Variants in AUH observed in about 807,000 individuals in gnomAD.
AUH encodes AU RNA binding methylglutaconyl-CoA hydratase, also known as methylglutaconyl-CoA hydratase, mitochondrial.
In AUH, 29 loss-of-function variants were observed where a neutral mutation model predicts 42.3. The ratio of observed to expected loss-of-function variants is 0.69; its 90% CI spans 0.51 to 0.93. The LOEUF (loss-of-function observed/expected upper bound fraction) is 0.93, where lower values mean the gene tolerates loss of function less well. Ranked by LOEUF, AUH falls within the 40% of genes least tolerant of loss-of-function variation. The pLI is 0.00. For synonymous variants in AUH, 174 were observed against 166.4 expected (o/e 1.05, Z -0.35); for missense variants, 452 against 438.1 (o/e 1.03, Z -0.28).
chr9:91,280,569 A>C (rs1825883556), intron 6 of AUH, among the ~76,000 whole-genome samples: 1 of 152,170 alleles, frequency 6.6e-6, no homozygotes, highest in African/African-American at 2.4e-5. Context: ...TTGAACACAT[A>C]AATAAAGCTA....
chr9:91,237,745 C>T (rs1314889438), intron 6 of AUH, among the ~76,000 whole-genome samples: 1 of 152,168 alleles, frequency 6.6e-6, no homozygotes, highest in Non-Finnish European at 1.5e-5. Flanking sequence ...AAATAGTCAT[C>T]AATAACTTCC....
intron 3 of AUH, among the ~76,000 whole-genome samples, chr9:91,335,298 A>G (rs1448920315): frequency 3.3e-5 from 5 of 151,584 alleles, no homozygotes; most frequent in Non-Finnish European, 5.9e-5. Context: ...GTTTTGGTTA[A>G]TTTTTATTTT....
At chr9:91,320,180 C>A (rs926628819) in intron 4 of AUH, among the ~76,000 whole-genome samples, 1 of 152,156 alleles carries the variant, frequency 6.6e-6, no homozygotes, top group African/African-American at 2.4e-5. Flanking sequence ...ATTATAGTTT[C>A]TTCTTTGACC....
chr9:91,317,912 T>C (rs1461701892), intron 4 of AUH, among the ~76,000 whole-genome samples: 1 of 152,206 alleles, frequency 6.6e-6, no homozygotes, highest in Non-Finnish European at 1.5e-5. Flanking sequence ...GCTAACATCA[T>C]GAGTTAAAAT....
At position 91,217,269 on chromosome 9, in the gene AUH, GA is replaced by G; in HGVS notation, c.894+7del. On this transcript the variant is annotated splice_region_variant and intron_variant, in intron 8 of 9. Coordinates refer to ENST00000375731, the MANE Select transcript of AUH (RefSeq NM_001698.3). ...TCCCAAAACAAACTCAAGCATTAAG[GA>G]ACCTACCTCCATCCCTTGATTAATT... 6.2e-7 allele frequency: 1 copy of G among 1,612,804 alleles called. No homozygotes were observed. The highest frequency in any genetic ancestry group is 1.3e-5 in the African/African-American group (1 of 74,990).
chr9:91,251,799 T>C (rs1408283956), intron 6 of AUH, among the ~76,000 whole-genome samples: 1 of 150,804 alleles, frequency 6.6e-6, no homozygotes, highest in East Asian at 1.9e-4. Context: ...GCTGTGATTA[T>C]GTAATTATAA....
chr9:91,325,922 T>G (rs1587863131), intron 3 of AUH, among the ~76,000 whole-genome samples: 1 of 152,210 alleles, frequency 6.6e-6, no homozygotes. Context: ...TTTGACTTCA[T>G]GGATGCCTGC....
At chr9:91,290,074 G>A (rs1826734109) in intron 6 of AUH, among the ~76,000 whole-genome samples, 2 of 152,092 alleles carry the variant, frequency 1.3e-5, no homozygotes, top group Admixed American at 1.3e-4. Flanking sequence ...GAACTTGAAA[G>A]CTTCATGGTA....
intron 6 of AUH, among the ~76,000 whole-genome samples, chr9:91,260,622 G>A (rs1334872899): frequency 6.6e-6 from 1 of 152,148 alleles, no homozygotes; most frequent in Non-Finnish European, 1.5e-5. Flanking sequence ...CAGGACAGAA[G>A]TTAATTCATT....
In AUH at chr9:91,249,447, C is replaced by T. The variant is rs1286695652; in HGVS notation, c.656-28455G>A. 2.0e-5 allele frequency among the ~76,000 whole-genome samples: 3 copies of T among 151,962 alleles called. No individual in the cohort carries two copies. In the East Asian group the frequency reaches 5.8e-4, roughly 29 times the overall value. On this transcript the variant is annotated intron_variant, in intron 6 of 9. Coordinates refer to ENST00000375731, the MANE Select transcript of AUH (RefSeq NM_001698.3). ...CTCACACATCATCTTATAAAGCCCTCTTTTCCTGTAACCTCACCCTTGTGG... is the reference window on the plus strand; with the variant it reads ...CTCACACATCATCTTATAAAGCCCTTTTTTCCTGTAACCTCACCCTTGTGG...
chr9:91,330,154 T>A lies in AUH; in HGVS notation c.419-4750A>T, dbSNP rs568750147. On this transcript the variant is annotated intron_variant, in intron 3 of 9. Coordinates refer to ENST00000375731, the MANE Select transcript of AUH (RefSeq NM_001698.3). The stretch of plus-strand genomic sequence containing the variant: ...TGGATATAAGCTCAATATACAAAAA[T>A]CAACTGTATTTCTATATACTAGCAA... Among the ~76,000 whole-genome samples, 15 of 152,216 alleles carry A rather than the reference T, an allele frequency of 9.9e-5. 1 individual carries two copies. In the South Asian group the frequency reaches 3.1e-3, roughly 32 times the overall value.
At chr9:91,260,111 T>C (rs895872311) in intron 6 of AUH, among the ~76,000 whole-genome samples, 2 of 152,172 alleles carry the variant, frequency 1.3e-5, no homozygotes, top group African/African-American at 2.4e-5. Context: ...GTAATATTTC[T>C]TGTCTTGAAG....
chr9:91,239,148 T>A (rs1828354737), intron 6 of AUH, among the ~76,000 whole-genome samples: 1 of 143,506 alleles, frequency 7.0e-6, no homozygotes, highest in African/African-American at 2.6e-5. Context: ...ACCCAAGCTT[T>A]TTGTTCTGTT....
chr9:91,352,183 G>A (rs1034228273), intron 3 of AUH, among the ~76,000 whole-genome samples: 7 of 152,122 alleles, frequency 4.6e-5, no homozygotes, highest in African/African-American at 1.2e-4. Flanking sequence ...ACTGAGGCAC[G>A]AGAATCGCTT....
chr9:91,266,384 A>G (rs1004062739), intron 6 of AUH, among the ~76,000 whole-genome samples: 1 of 151,666 alleles, frequency 6.6e-6, no homozygotes. Flanking sequence ...TAAATAAATA[A>G]ATAAATAAAA....
At chr9:91,341,485 G>A (rs1157872987) in intron 3 of AUH, among the ~76,000 whole-genome samples, 1 of 152,178 alleles carries the variant, frequency 6.6e-6, no homozygotes, top group Non-Finnish European at 1.5e-5. Context: ...TAAATTTACT[G>A]GTACCCTAGA....
At chr9:91,354,859 C>G (rs896295333) in intron 3 of AUH, among the ~76,000 whole-genome samples, 1 of 151,178 alleles carries the variant, frequency 6.6e-6, no homozygotes, top group Non-Finnish European at 1.5e-5. Flanking sequence ...ATCATATTCA[C>G]CTGGTGAATA....
chr9:91,345,296 CCA>C (rs1831411706), intron 3 of AUH, among the ~76,000 whole-genome samples: 1 of 151,842 alleles, frequency 6.6e-6, no homozygotes, highest in South Asian at 2.1e-4. Context: ...GTAGAAAACC[CCA>C]GAGTATCTAC....
At chr9:91,334,987 G>A in intron 3 of AUH, among the ~76,000 whole-genome samples, 1 of 152,200 alleles carries the variant, frequency 6.6e-6, no homozygotes, top group Non-Finnish European at 1.5e-5. Context: ...GGATTCTCCT[G>A]AGTCCTGGAA....
Sources: gnomAD v4.1 joint callset for allele counts (sites outside exome capture counted in the v4.1 genomes callset) on GRCh38, gnomAD v4.1.1 for gene constraint, MANE v1.5 for transcripts, NCBI Gene and HGNC (gene_info 2026-07-23, HGNC 2026-07-21) for gene names.